The following XKR6 variants were observed in gnomAD, a reference collection of about 807,000 sequenced individuals.
XKR6 encodes XK related 6, also known as XK-related protein 6.
In XKR6, 22 loss-of-function variants were observed where a neutral mutation model predicts 56.7. The ratio of observed to expected loss-of-function variants is 0.39; its 90% confidence interval spans 0.28 to 0.55. The LOEUF (loss-of-function observed/expected upper bound fraction) is 0.55, where lower values mean the gene tolerates loss of function less well. Ranked by LOEUF, XKR6 falls within the 20% of genes least tolerant of loss-of-function variation. XKR6 has a pLI of 0.66. For synonymous variants in XKR6, 524 were observed against 387.8 expected, an observed-to-expected ratio of 1.35 and a Z score of -4.13; for missense variants, 852 against 889.0, an observed-to-expected ratio of 0.96 and a Z score of 0.53.
intron 2 of XKR6, among the ~76,000 whole-genome samples, chr8:10,906,239 G>C (rs956777191): frequency 6.6e-6 from 1 of 152,206 alleles, no homozygotes; most frequent in African/African-American, 2.4e-5. Flanking sequence ...GTACAAACCA[G>C]AGCTCCACCA....
chr8:10,898,060 C>T lies in XKR6; in HGVS notation c.1818G>A (p.Leu606=), dbSNP rs1247359944. 3.1e-6 allele frequency: 5 copies of T among 1,613,972 alleles called. No homozygotes were observed. The highest frequency in any genetic ancestry group is 4.2e-6 in the Non-Finnish European group (5 of 1,180,008). Residue 606 remains leucine, a synonymous_variant, in exon 3 of 3, where the codon CTG becomes CTA. Coordinates refer to ENST00000416569, the MANE Select transcript of XKR6 (RefSeq NM_173683.4). The surrounding 1 kb of genome is among the most constrained non-coding windows in gnomAD (Gnocchi z 6.6). ...AWDAHFVDRR[L]RRTINILQYV... The stretch of plus-strand genomic sequence containing the variant: ...ATTGTAGAATGTTAATAGTCCTTCT[C>T]AGCCTCCTGTCTACAAAATGAGCAT...
At chr8:11,144,697 C>T (rs533053944) in intron 1 of XKR6, among the ~76,000 whole-genome samples, 5 of 152,038 alleles carry the variant, frequency 3.3e-5, no homozygotes, top group African/African-American at 4.8e-5. Context: ...AGTAGCAAGC[C>T]GCCAAGCTCC....
chr8:11,182,382 G>A (rs1243431939), intron 1 of XKR6, among the ~76,000 whole-genome samples: 2 of 152,230 alleles, frequency 1.3e-5, no homozygotes, highest in African/African-American at 2.4e-5. Context: ...AGGCATCACT[G>A]TGGCGCATTA....
At chr8:10,995,893 G>T (rs1331513907) in intron 1 of XKR6, among the ~76,000 whole-genome samples, 1 of 152,148 alleles carries the variant, frequency 6.6e-6, no homozygotes, top group Non-Finnish European at 1.5e-5. Flanking sequence ...TGAGGCCTGA[G>T]CACCTGTAGT....
chr8:11,129,215 C>T (rs370541742), intron 1 of XKR6, among the ~76,000 whole-genome samples: 2 of 152,144 alleles, frequency 1.3e-5, no homozygotes, highest in African/African-American at 4.8e-5. Context: ...TACTCTTACA[C>T]GCCACTGAAT....
chr8:11,118,204 A>T (rs879632168), intron 1 of XKR6, among the ~76,000 whole-genome samples: 5 of 151,664 alleles, frequency 3.3e-5, no homozygotes, highest in Non-Finnish European at 2.9e-5. Flanking sequence ...TGAAAGAAAA[A>T]ATCTGCAAAA....
At chr8:10,995,024 G>A (rs754138687) in intron 1 of XKR6, among the ~76,000 whole-genome samples, 3 of 152,196 alleles carry the variant, frequency 2.0e-5, no homozygotes, top group Non-Finnish European at 2.9e-5. Context: ...CGTCTATGGT[G>A]GGGCCTCCTT....
At chr8:11,183,411 C>T (rs1167916793) in intron 1 of XKR6, among the ~76,000 whole-genome samples, 1 of 152,024 alleles carries the variant, frequency 6.6e-6, no homozygotes, top group Non-Finnish European at 1.5e-5. Flanking sequence ...GTCCTGGGCT[C>T]CAGTGATTCT....
intron 1 of XKR6, among the ~76,000 whole-genome samples, chr8:11,019,934 G>C (rs1246354590): frequency 6.6e-6 from 1 of 152,196 alleles, no homozygotes; most frequent in Non-Finnish European, 1.5e-5. Flanking sequence ...AGAGGCGGCA[G>C]GCTATAAATA....
At chr8:11,128,489 T>C (rs1488921921) in intron 1 of XKR6, among the ~76,000 whole-genome samples, 2 of 152,182 alleles carry the variant, frequency 1.3e-5, no homozygotes, top group Non-Finnish European at 2.9e-5. Flanking sequence ...TAAAACCAAA[T>C]GCCTGATCTT....
At chr8:10,962,701 T>C (rs1379069718) in intron 1 of XKR6, among the ~76,000 whole-genome samples, 3 of 152,002 alleles carry the variant, frequency 2.0e-5, no homozygotes, top group Admixed American at 1.3e-4. Flanking sequence ...TCTCAGCTCA[T>C]TGCAACCTCT....
chr8:11,054,139 G>C (rs1172406102), intron 1 of XKR6, among the ~76,000 whole-genome samples: 1 of 152,192 alleles, frequency 6.6e-6, no homozygotes, highest in African/African-American at 2.4e-5. Context: ...TTGCTGGCAG[G>C]TGTCATTGCG....
chr8:10,943,160 G>T (rs1330447880), intron 1 of XKR6, among the ~76,000 whole-genome samples: 1 of 152,200 alleles, frequency 6.6e-6, no homozygotes, highest in Non-Finnish European at 1.5e-5. Context: ...GCAGGCTGCA[G>T]GACAGAGCAA....
intron 1 of XKR6, among the ~76,000 whole-genome samples, chr8:11,102,678 G>C (rs1486274748): frequency 6.6e-6 from 1 of 152,132 alleles, no homozygotes; most frequent in Non-Finnish European, 1.5e-5. Flanking sequence ...CCACTGAAAG[G>C]CTACTTCAGC....
chr8:11,157,347 T>C (rs1801571574), intron 1 of XKR6, among the ~76,000 whole-genome samples: 1 of 152,166 alleles, frequency 6.6e-6, no homozygotes. Context: ...CAATGATGGT[T>C]TCCTAGTTTG....
At chr8:11,034,946 C>T (rs1799099374) in intron 1 of XKR6, among the ~76,000 whole-genome samples, 1 of 152,186 alleles carries the variant, frequency 6.6e-6, no homozygotes, top group Admixed American at 6.5e-5. Flanking sequence ...CCTGAGAGGC[C>T]ACATATGGTG....
intron 1 of XKR6, among the ~76,000 whole-genome samples, chr8:10,961,271 C>T (rs962855935): frequency 1.3e-5 from 2 of 152,236 alleles, no homozygotes; most frequent in African/African-American, 2.4e-5. Flanking sequence ...AGTGTGCCCA[C>T]CAGCCGGGAC....
At chr8:11,072,077 C>G (rs1420715956) in intron 1 of XKR6, among the ~76,000 whole-genome samples, 1 of 152,252 alleles carries the variant, frequency 6.6e-6, no homozygotes, top group Non-Finnish European at 1.5e-5. Context: ...GGAGCAAGCT[C>G]TCTGTGGTGA....
chr8:11,186,571 G>A (rs1242858993), intron 1 of XKR6, among the ~76,000 whole-genome samples: 1 of 152,042 alleles, frequency 6.6e-6, no homozygotes, highest in Non-Finnish European at 1.5e-5. Context: ...GTAGAGACAG[G>A]GTCTGCCTAC....
Sources: gnomAD v4.1 joint callset for allele counts (sites outside exome capture counted in the v4.1 genomes callset) on GRCh38, gnomAD v4.1.1 for gene constraint, Gnocchi (gnomAD v3.1) non-coding constraint, MANE v1.5 for transcripts, NCBI Gene and HGNC (gene_info 2026-07-23, HGNC 2026-07-21) for gene names.